ZNF384: variants seen among roughly 807,000 people sequenced by gnomAD.
The protein encoded by ZNF384 is CAG repeat protein 1.
ZNF384 carries 20 observed loss-of-function variants against 65.0 expected under a neutral mutation model. The ratio of observed to expected loss-of-function variants is 0.31; its 90% confidence interval spans 0.22 to 0.45. The LOEUF (loss-of-function observed/expected upper bound fraction) is 0.45, where lower values mean the gene tolerates loss of function less well. ZNF384 is among the 20% of genes least tolerant of loss of function. The probability of loss-of-function intolerance (pLI) is 1.00; values close to 1 mark genes in which losing one functional copy is unlikely to be tolerated. For synonymous variants in ZNF384, 310 were observed against 303.9 expected, an observed-to-expected ratio of 1.02 and a Z score of -0.21; for missense variants, 549 against 769.4, an observed-to-expected ratio of 0.71 and a Z score of 3.39.
At chr12:6,679,431 G>T (rs1383338277) in intron 3 of ZNF384, 24 bp downstream of exon 3, 1 of 1,610,514 alleles carries the variant, frequency 6.2e-7, no homozygotes, top group South Asian at 1.1e-5. Context: ...GACTTGGAGA[G>T]AGCAAGAAAG....
Position 6,678,077 on chromosome 12 carries a change from C to T in ZNF384, c.686+50G>A. The T allele has an allele frequency of 6.5e-7, 1 of 1,543,888 alleles. No individual in the cohort carries two copies. The highest frequency in any genetic ancestry group is 8.8e-7 in the Non-Finnish European group (1 of 1,131,416). On this transcript the variant is annotated intron_variant, in intron 6 of 11. Transcript: ENST00000683879. The surrounding 1 kb of genome is among the most constrained non-coding windows in gnomAD (Gnocchi z 4.9). ...AACACAATGAGGGTACAGGGAGAAT[C>T]ACCAAGCCAGGGATCCTCGCCCCAT...
intron 6 of ZNF384, 80 bp from the exon 7 acceptor site, chr12:6,677,339 C>T (rs772646128): frequency 5.7e-6 from 7 of 1,225,004 alleles, no homozygotes; most frequent in African/African-American, 1.6e-5. Context: ...TGCACATCTG[C>T]CCCTGTCTAT....
At position 6,672,351 on chromosome 12, in the gene ZNF384, G is replaced by C; in HGVS notation, c.1186C>G (p.Arg396Gly). Residue 396 changes from arginine (R) to glycine (G), a missense_variant and splice_region_variant, in exon 9 of 12, where the codon CGA (arginine) becomes GGA (glycine). Transcript: ENST00000683879. This position sits in a 1 kb window ranked among gnomAD's most constrained non-coding sequence, Gnocchi z 4.4. ...RQLSHLQQHT[R>G]IHTGDRPYKC... ...CAGTAGCCCGCCACTCTCCCTTACC[G>C]TGTGTGCTGCTGGAGGTGGGAGAGC... 6.2e-7 allele frequency: 1 copy of C among 1,613,426 alleles called. No individual in the cohort carries two copies. Among genetic ancestry groups the C allele is most frequent in the East Asian group, 2.2e-5 (1 of 44,884 alleles).
rs535252600 is a variant in ZNF384, at chr12:6,666,943, A to G, written c.*771T>C. 1 of 208,620 alleles carries G rather than the reference A, an allele frequency of 4.8e-6. No individual in the cohort carries two copies. Among genetic ancestry groups the G allele is most frequent in the Admixed American group, 5.9e-5 (1 of 16,928 alleles). The allele number at this position is 208,620 out of a possible 1,614,324, so 12.9% of individuals were successfully genotyped here. On this transcript the variant is annotated 3_prime_UTR_variant, in exon 12 of 12. Transcript: ENST00000683879. ...ACACCCCTGTTTTGGAGTTTCACAGATAACACAAAGCCTCCCACAGCTCCT... is the reference window on the plus strand; with the variant it reads ...ACACCCCTGTTTTGGAGTTTCACAGGTAACACAAAGCCTCCCACAGCTCCT...
intron 10 of ZNF384, among the ~76,000 whole-genome samples, chr12:6,669,485 C>G (rs577691361): frequency 3.3e-5 from 5 of 151,178 alleles, no homozygotes; most frequent in Non-Finnish European, 5.9e-5. Flanking sequence ...AGGGGGCCCA[C>G]AGGGTCAAAA....
rs1219271787 is a variant in ZNF384, at chr12:6,672,278, G to T, written c.1187+72C>A. 2.7e-6 allele frequency: 4 copies of T among 1,494,814 alleles called. No homozygotes were observed. Among genetic ancestry groups the T allele is most frequent in the Non-Finnish European group, 3.6e-6 (4 of 1,108,478 alleles). The allele number at this position is 1,494,814 out of a possible 1,614,324, so 92.6% of individuals were successfully genotyped here. A position where few individuals can be genotyped will look rare whatever the true frequency, so the allele number is the denominator to read the frequency against. ...CCCCGCCCCCCGCATGCGGGTTGTT[G>T]TGTGTGTCCGGGGCGGGGGTGGGGA... On this transcript the variant is annotated intron_variant, in intron 9 of 11. Coordinates refer to ENST00000683879, the MANE Select transcript of ZNF384 (RefSeq NM_001385745.1). The surrounding 1 kb of genome is among the most constrained non-coding windows in gnomAD (Gnocchi z 4.4).
chr12:6,672,528 G>A lies in ZNF384; in HGVS notation c.1009C>T (p.His337Tyr), dbSNP rs1482824912. ...LSHLQQHTRI[H>Y]SKMHTETIKP... ...ATGGTCTCCGTGTGCATCTTGGAGT[G>A]GATCCTGCCGGAGAGGAGAGGAGGG... The change falls in exon 9 of 12, where the codon CAC becomes TAC. Residue 337 changes from histidine to tyrosine, a missense_variant. His to Tyr is a moderately conservative substitution (Grantham distance 83). Around this residue, in one of 5 missense-constraint regions of ZNF384, gnomAD observed 59 missense variants for 63.6 expected, o/e 0.93. Coordinates refer to ENST00000683879, the MANE Select transcript of ZNF384 (RefSeq NM_001385745.1). This position sits in a 1 kb window ranked among gnomAD's most constrained non-coding sequence, Gnocchi z 4.4. The A allele has an allele frequency of 6.2e-7, 1 of 1,613,854 alleles. No individual in the cohort carries two copies.
rs146089604 is a variant in ZNF384 at position 6,678,095 on chromosome 12, C to G, written c.686+32G>C. On this transcript the variant is annotated intron_variant, in intron 6 of 11. Coordinates refer to ENST00000683879, the MANE Select transcript of ZNF384 (RefSeq NM_001385745.1). This position sits in a 1 kb window ranked among gnomAD's most constrained non-coding sequence, Gnocchi z 4.9. ...GGAGAATCACCAAGCCAGGGATCCT[C>G]GCCCCATCCTGCCCCTGGCTCTGAG... 6.3e-7 allele frequency: 1 copy of G among 1,577,486 alleles called. No homozygotes were observed. Among genetic ancestry groups the G allele is most frequent in the Admixed American group, 1.7e-5 (1 of 58,736 alleles).
rs551591461 is a variant in ZNF384 at position 6,683,520 on chromosome 12, A to T, written c.-5-3995T>A. 4.6e-5 allele frequency among the ~76,000 whole-genome samples: 7 copies of T among 151,600 alleles called. No homozygotes were observed. In the East Asian group the frequency reaches 5.9e-4, roughly 13 times the overall value. On this transcript the variant is annotated intron_variant, in intron 2 of 11. Coordinates refer to ENST00000683879, the MANE Select transcript of ZNF384 (RefSeq NM_001385745.1). ...CGGCAAAACCCCATCTCTAATAAAA[A>T]TACAAAAATTAGCAAGGTGTGGTGG...
intron 6 of ZNF384, among the ~76,000 whole-genome samples, chr12:6,677,834 A>T (rs1954273583): frequency 6.6e-6 from 1 of 152,240 alleles, no homozygotes; most frequent in Admixed American, 6.5e-5. Context: ...AACCCAGCAT[A>T]AAGCCTTATT....
At position 6,689,088 on chromosome 12, in the gene ZNF384, C is replaced by G. The variant is rs1202865889; in HGVS notation, c.-66+10G>C. The G allele has an allele frequency of 6.6e-6, 1 of 152,254 alleles. No individual in the cohort carries two copies. The highest frequency in any genetic ancestry group is 1.5e-5 in the Non-Finnish European group (1 of 68,090). 9.4% of individuals were successfully genotyped at this position (152,254 alleles called of 1,614,324 possible). On this transcript the variant is annotated intron_variant, in intron 1 of 11. Transcript: ENST00000683879. ...TTGGCGCGCGCCGGCTGTAGCGGCGCGAGACTCACCGGGCGGCGACGGCTG... is the reference window on the plus strand; with the variant it reads ...TTGGCGCGCGCCGGCTGTAGCGGCGGGAGACTCACCGGGCGGCGACGGCTG...
chr12:6,687,302 C>A (rs1164169589), intron 2 of ZNF384, among the ~76,000 whole-genome samples: 1 of 152,164 alleles, frequency 6.6e-6, no homozygotes. Context: ...AGCCTGGGCA[C>A]CACCGGACCA....
chr12:6,670,686 T>G, intron 10 of ZNF384, 74 bp downstream of exon 10: 1 of 1,452,570 alleles, frequency 6.9e-7, no homozygotes, highest in Non-Finnish European at 9.7e-7. Flanking sequence ...CTGAAAACAT[T>G]TGAGAACCAC....
chr12:6,678,456 C>G lies in ZNF384; in HGVS notation c.357G>C (p.Pro119=), dbSNP rs7964510. The part of the protein sequence containing the change: ...WRREGSQSRG[P]GLVITSPSGS... ...CTGAGGGGGACGTGATTACCAAACCCGGACCTAGGATTGGGAGAAAAAGGA... is the reference window on the plus strand; with the variant it reads ...CTGAGGGGGACGTGATTACCAAACCGGGACCTAGGATTGGGAGAAAAAGGA... The change falls in exon 6 of 12, where the codon CCG becomes CCC. Residue 119 remains proline (P), a synonymous_variant. Coordinates refer to ENST00000683879, the MANE Select transcript of ZNF384 (RefSeq NM_001385745.1). The surrounding 1 kb of genome is among the most constrained non-coding windows in gnomAD (Gnocchi z 4.9). 1.9e-6 allele frequency: 3 copies of G among 1,579,258 alleles called. No homozygotes were observed. The highest frequency in any genetic ancestry group is 1.3e-5 in the African/African-American group (1 of 74,240).
In ZNF384 at chr12:6,669,168, T is replaced by C; in HGVS notation, c.1288A>G (p.Lys430Glu). 1 of 1,612,082 alleles carries C rather than the reference T, an allele frequency of 6.2e-7. No individual in the cohort carries two copies. Among genetic ancestry groups the C allele is most frequent in the Non-Finnish European group, 8.5e-7 (1 of 1,178,690 alleles). The change falls in exon 11 of 12, where the codon AAA becomes GAA. Residue 430 changes from lysine to glutamate, a missense_variant. Around this residue, in one of 5 missense-constraint regions of ZNF384, gnomAD observed 38 missense variants for 99.7 expected, o/e 0.38. Transcript: ENST00000683879. ...NLQSHRRQHN[K>E]DKPFKCHNCH... The stretch of plus-strand genomic sequence containing the variant: ...TTGTGGCACTTGAAGGGTTTATCTT[T>C]GTTGTGTTGCCGTCTGTGGGACTGA...
chr12:6,670,990 AG>A, intron 9 of ZNF384, 152 bp from the exon 10 acceptor site: 1 of 639,202 alleles, frequency 1.6e-6, no homozygotes, highest in Non-Finnish European at 2.7e-6. Context: ...GATGTGGATC[AG>A]GTACTGATGA....
At position 6,678,479 on chromosome 12, in the gene ZNF384, G is replaced by A. The variant is rs755257670; in HGVS notation, c.353-19C>T. ...CCCGGACCTAGGATTGGGAGAAAAA[G>A]GAGATGGCGTCATGTTGTTCAGTCC... On this transcript the variant is annotated intron_variant, in intron 5 of 11. Coordinates refer to ENST00000683879, the MANE Select transcript of ZNF384 (RefSeq NM_001385745.1). This position sits in a 1 kb window ranked among gnomAD's most constrained non-coding sequence, Gnocchi z 4.9. 6.4e-6 allele frequency: 10 copies of A among 1,566,846 alleles called. No homozygotes were observed. The highest frequency in any genetic ancestry group is 6.9e-6 in the Non-Finnish European group (8 of 1,153,484).
At chr12:6,685,645 C>T (rs571655098) in intron 2 of ZNF384, among the ~76,000 whole-genome samples, 5 of 152,024 alleles carry the variant, frequency 3.3e-5, no homozygotes, top group African/African-American at 4.8e-5. Flanking sequence ...TGGTGGCATG[C>T]GCCTGTAATC....
At chr12:6,677,140 A>G in intron 7 of ZNF384, 27 bp downstream of exon 7, 1 of 605,548 alleles carries the variant, frequency 1.7e-6, no homozygotes, top group Admixed American at 2.6e-5. Context: ...GAGGAAACTG[A>G]GGCCCAGAGA....
Sources: allele counts gnomAD v4.1 joint callset (sites outside exome capture counted in the v4.1 genomes callset), GRCh38; gene constraint gnomAD v4.1.1; regional missense constraint gnomAD v4.1.1; non-coding constraint Gnocchi (gnomAD v3.1); transcripts MANE v1.5; gene names NCBI Gene and HGNC (gene_info 2026-07-23, HGNC 2026-07-21).